TMEM132B: variants seen among roughly 807,000 people sequenced by gnomAD.
TMEM132B encodes the protein transmembrane protein 132B.
A neutral mutation model predicts 90.8 loss-of-function variants in TMEM132B; 18 were observed. That is an observed-to-expected ratio of 0.20 (90% CI 0.14 to 0.29). The LOEUF is 0.29. Among genes scored for constraint, TMEM132B ranks in the 10% least tolerant of loss-of-function variants. The probability of loss-of-function intolerance (pLI) is 1.00; values close to 1 mark genes in which losing one functional copy is unlikely to be tolerated. For synonymous variants in TMEM132B, 504 were observed against 523.3 expected, an observed-to-expected ratio of 0.96 and a Z score of 0.50; for missense variants, 1,096 against 1,326.8, an observed-to-expected ratio of 0.83 and a Z score of 2.70.
intron 1 of TMEM132B, among the ~76,000 whole-genome samples, chr12:125,297,287 C>T (rs1449134941): frequency 1.3e-5 from 2 of 152,210 alleles, no homozygotes; most frequent in Non-Finnish European, 2.9e-5. Context: ...CATGTTTCAA[C>T]CTCCCTGCTG....
intron 2 of TMEM132B, among the ~76,000 whole-genome samples, chr12:125,357,151 A>G (rs60908496): frequency 0.012 from 1,889 of 152,336 alleles, 44 homozygotes; most frequent in African/African-American, 0.042. Flanking sequence ...GGCAATGAAT[A>G]AATGAATCGT....
chr12:125,505,230 T>A (rs1332950738), intron 3 of TMEM132B, among the ~76,000 whole-genome samples: 3 of 124,678 alleles, frequency 2.4e-5, no homozygotes, highest in Non-Finnish European at 4.9e-5. Flanking sequence ...GTGACCCAGA[T>A]AATGGAATTA....
In TMEM132B at chr12:125,644,162, C is replaced by T. The variant is rs536577491; in HGVS notation, c.1524C>T (p.His508=). 6.2e-7 allele frequency: 1 copy of T among 1,614,220 alleles called. No homozygotes were observed. Among genetic ancestry groups the T allele is most frequent in the Admixed American group, 1.7e-5 (1 of 60,028 alleles). Residue 508 remains histidine, a synonymous_variant, in exon 6 of 9, where the codon CAC becomes CAT. Coordinates refer to ENST00000682704, the MANE Select transcript of TMEM132B (RefSeq NM_001366854.1). ...VDTIVNFTHQ[H]FTSQFEVTVW... ...CGATTGTGAACTTCACCCACCAGCA[C>T]TTCACCTCCCAGTTCGAGGTCACTG...
intron 2 of TMEM132B, among the ~76,000 whole-genome samples, chr12:125,363,838 T>A (rs563834591): frequency 5.9e-5 from 9 of 152,282 alleles, no homozygotes; most frequent in African/African-American, 1.9e-4. Context: ...TATGCTAGGC[T>A]CAGAGAGGCC....
intron 1 of TMEM132B, among the ~76,000 whole-genome samples, chr12:125,238,301 C>T (rs532482195): frequency 1.4e-5 from 2 of 143,358 alleles, no homozygotes; most frequent in African/African-American, 2.6e-5. Context: ...TGCAGTGAGC[C>T]GAGATCGCAC....
intron 1 of TMEM132B, among the ~76,000 whole-genome samples, chr12:125,300,043 C>T (rs961870719): frequency 3.3e-5 from 5 of 152,236 alleles, no homozygotes; most frequent in African/African-American, 9.6e-5. Context: ...GCGTGGGCCG[C>T]CACGGGGGCT....
chr12:125,390,902 G>T (rs533424158), intron 2 of TMEM132B, among the ~76,000 whole-genome samples: 1 of 152,142 alleles, frequency 6.6e-6, no homozygotes, highest in African/African-American at 2.4e-5. Flanking sequence ...ATTGTTTTGG[G>T]GTAGCTAGGG....
intron 2 of TMEM132B, among the ~76,000 whole-genome samples, chr12:125,413,174 G>A (rs763913793): frequency 2.0e-5 from 3 of 152,046 alleles, no homozygotes; most frequent in Non-Finnish European, 4.4e-5. Context: ...CCTCCAGTTC[G>A]AGAATCTCTC....
intron 3 of TMEM132B, among the ~76,000 whole-genome samples, chr12:125,428,798 C>G (rs1880409556): frequency 6.6e-6 from 1 of 152,192 alleles, no homozygotes; most frequent in Non-Finnish European, 1.5e-5. Flanking sequence ...ATGTGGCCAA[C>G]ATCCTATGTT....
chr12:125,363,417 A>G (rs768045668), intron 2 of TMEM132B, among the ~76,000 whole-genome samples: 1 of 152,088 alleles, frequency 6.6e-6, no homozygotes, highest in Non-Finnish European at 1.5e-5. Flanking sequence ...ATGGCTTTGC[A>G]TGATGTTTCC....
intron 3 of TMEM132B, among the ~76,000 whole-genome samples, chr12:125,441,127 A>T (rs1491900): frequency 6.6e-6 from 1 of 152,030 alleles, no homozygotes; most frequent in African/African-American, 2.4e-5. Flanking sequence ...TTGTCTCTAC[A>T]TGATAGGGTT....
Position 125,246,236 on chromosome 12 carries a change from A to G in TMEM132B, c.67+59370A>G, listed in dbSNP as rs952621237. Among the ~76,000 whole-genome samples the G allele has an allele frequency of 1.3e-5, 2 of 152,072 alleles. No homozygotes were observed. The highest frequency in any genetic ancestry group is 2.9e-5 in the Non-Finnish European group (2 of 68,010). On this transcript the variant is annotated intron_variant, in intron 1 of 8. Transcript: ENST00000682704. The surrounding 1 kb of genome is among the most constrained non-coding windows in gnomAD (Gnocchi z 4.2). The stretch of plus-strand genomic sequence containing the variant: ...ATGTCAAGCCTGTTAGATCATAAAA[A>G]CCAGCATTGCTGTCAGTGTGAGCTT...
intron 1 of TMEM132B, among the ~76,000 whole-genome samples, chr12:125,244,427 C>T (rs1320047664): frequency 1.3e-5 from 2 of 152,196 alleles, no homozygotes; most frequent in African/African-American, 2.4e-5. Context: ...GCTGGCCCCT[C>T]AGGGAGCTGC....
chr12:125,622,490 G>C, intron 5 of TMEM132B: 1 of 985,424 alleles, frequency 1.0e-6, no homozygotes, highest in Non-Finnish European at 1.2e-6. Flanking sequence ...GTGCTGGAAA[G>C]GACTCACAGT....
intron 1 of TMEM132B, among the ~76,000 whole-genome samples, chr12:125,264,291 C>A (rs538200605): frequency 6.6e-6 from 1 of 152,266 alleles, no homozygotes; most frequent in Admixed American, 6.5e-5. Context: ...GGATATCCAC[C>A]CCATCTCAAG....
intron 3 of TMEM132B, among the ~76,000 whole-genome samples, chr12:125,432,754 A>G (rs12426874): frequency 0.31 from 46,371 of 151,706 alleles, 7,340 homozygotes; most frequent in African/African-American, 0.4. Context: ...GCACTGGCTC[A>G]TCCGTCCCTT....
chr12:125,339,421 C>T (rs1877096163), intron 1 of TMEM132B, among the ~76,000 whole-genome samples: 1 of 151,844 alleles, frequency 6.6e-6, no homozygotes, highest in South Asian at 2.1e-4. Flanking sequence ...TCCAATTGAA[C>T]TGGGGGCTCT....
chr12:125,230,784 G>C (rs577727739), intron 1 of TMEM132B, among the ~76,000 whole-genome samples: 1 of 152,038 alleles, frequency 6.6e-6, no homozygotes, highest in South Asian at 2.1e-4. Context: ...GATTACAGGC[G>C]TGAGCCACAC....
chr12:125,585,228 A>G (rs1405521809), intron 5 of TMEM132B: 3 of 152,234 alleles, frequency 2.0e-5, no homozygotes, highest in Non-Finnish European at 2.9e-5. Context: ...TGGAATGCTC[A>G]TCGTCCTTAG....
Sources: gnomAD v4.1 joint callset for allele counts (sites outside exome capture counted in the v4.1 genomes callset) on GRCh38, gnomAD v4.1.1 for gene constraint, Gnocchi (gnomAD v3.1) non-coding constraint, MANE v1.5 for transcripts, NCBI Gene and HGNC (gene_info 2026-07-23, HGNC 2026-07-21) for gene names.